WDR37: variants seen among roughly 807,000 people sequenced by gnomAD.
WDR37 encodes WD repeat-containing protein 37.
In WDR37, 19 loss-of-function variants were observed where a neutral mutation model predicts 62.9. That is an observed-to-expected ratio of 0.30 (90% CI 0.21 to 0.44). The LOEUF (loss-of-function observed/expected upper bound fraction) is 0.44, where lower values mean the gene tolerates loss of function less well. Ranked by LOEUF, WDR37 falls within the 20% of genes least tolerant of loss-of-function variation. The pLI is 1.00. For missense variants in WDR37, 474 were observed against 657.6 expected (o/e 0.72, Z 3.05); for synonymous variants, 250 against 260.9 (o/e 0.96, Z 0.40).
chr10:1,080,831 G>A (rs1250562156), intron 5 of WDR37, among the ~76,000 whole-genome samples: 1 of 151,930 alleles, frequency 6.6e-6, no homozygotes, highest in East Asian at 1.9e-4. Flanking sequence ...GCTTAAGCCT[G>A]GGAGGTGGAG....
chr10:1,125,094 C>A (rs1057038340), intron 13 of WDR37, 70 bp downstream of exon 13: 16 of 1,557,166 alleles, frequency 1.0e-5, no homozygotes, highest in Non-Finnish European at 1.4e-5. Flanking sequence ...TTTACATTCT[C>A]ATTTTCTTAC....
chr10:1,126,852 G>A (rs1290197122), intron 13 of WDR37, among the ~76,000 whole-genome samples: 2 of 152,226 alleles, frequency 1.3e-5, no homozygotes, highest in African/African-American at 4.8e-5. Flanking sequence ...GCATGAGAGT[G>A]CACTGTTTGA....
At chr10:1,125,703 C>G (rs1460637198) in intron 13 of WDR37, among the ~76,000 whole-genome samples, 1 of 152,160 alleles carries the variant, frequency 6.6e-6, no homozygotes, top group Non-Finnish European at 1.5e-5. Flanking sequence ...TGTGGCCAGG[C>G]AGAAGCTGGG....
At chr10:1,120,438 G>A (rs927836235) in intron 11 of WDR37, among the ~76,000 whole-genome samples, 3 of 152,244 alleles carry the variant, frequency 2.0e-5, no homozygotes, top group Non-Finnish European at 4.4e-5. Flanking sequence ...TCAGGGCACT[G>A]TTTTAAAGTC....
At chr10:1,111,484 G>C (rs1278627784) in intron 11 of WDR37, among the ~76,000 whole-genome samples, 1 of 152,130 alleles carries the variant, frequency 6.6e-6, no homozygotes, top group African/African-American at 2.4e-5. Flanking sequence ...TTCACTGTAA[G>C]AAAGAAAAGT....
chr10:1,062,147 T>G (rs1216254540), intron 1 of WDR37, among the ~76,000 whole-genome samples: 1 of 152,118 alleles, frequency 6.6e-6, no homozygotes, highest in Non-Finnish European at 1.5e-5. Flanking sequence ...TACTCCAGTA[T>G]GAAAAAATCT....
Position 1,103,674 on chromosome 10 carries a change from T to C in WDR37, c.799T>C (p.Cys267Arg). Residue 267 changes from cysteine (C) to arginine (R), a missense_variant, in exon 10 of 14, where the codon TGC becomes CGC. Physicochemically the swap from Cys to Arg is radical, Grantham distance 180 (BLOSUM62 -3). Transcript: ENST00000263150. This position sits in a 1 kb window ranked among gnomAD's most constrained non-coding sequence, Gnocchi z 6.3. ...PDLDGDVSSD[C>R]PTIRVPLTSL... Reference sequence around the variant, plus strand: ...CCTCGATGGGGATGTGTCCAGCGACTGCCCCACCATCCGCGTCCCACTGAC... The same window carrying C: ...CCTCGATGGGGATGTGTCCAGCGACCGCCCCACCATCCGCGTCCCACTGAC... The C allele has an allele frequency of 1.2e-6, 2 of 1,614,252 alleles. No individual in the cohort carries two copies. Among genetic ancestry groups the C allele is most frequent in the Non-Finnish European group, 1.7e-6 (2 of 1,180,050 alleles).
At chr10:1,069,157 G>C (rs567714962) in intron 1 of WDR37, among the ~76,000 whole-genome samples, 2 of 152,028 alleles carry the variant, frequency 1.3e-5, no homozygotes, top group African/African-American at 4.8e-5. Context: ...TATACTGAGA[G>C]CCATTGAATT....
intron 11 of WDR37, among the ~76,000 whole-genome samples, chr10:1,119,825 G>C (rs1455567293): frequency 6.6e-6 from 1 of 152,214 alleles, no homozygotes; most frequent in African/African-American, 2.4e-5. Context: ...CAGTTCTGTA[G>C]TGCAGCCCTT....
intron 1 of WDR37, among the ~76,000 whole-genome samples, chr10:1,057,943 T>C (rs936264902): frequency 2.0e-5 from 3 of 152,248 alleles, no homozygotes; most frequent in Non-Finnish European, 4.4e-5. Flanking sequence ...AAGATAGTTA[T>C]ATCTCCAGGA....
In WDR37 at chr10:1,116,655, G is replaced by T. The variant is rs562704501; in HGVS notation, c.1104-7563G>T. On this transcript the variant is annotated intron_variant, in intron 11 of 13. Transcript: ENST00000263150. ...AGGGTCACTAAGGACTCCATCTGTC[G>T]CCCGTGACAGCTTTTCGGAGCTTTG... 9.8e-5 allele frequency among the ~76,000 whole-genome samples: 15 copies of T among 152,286 alleles called. No individual in the cohort carries two copies. The South Asian group carries it at 3.1e-3, about 32-fold the overall frequency.
intron 1 of WDR37, among the ~76,000 whole-genome samples, chr10:1,066,504 A>G (rs971365558): frequency 3.3e-5 from 5 of 152,240 alleles, no homozygotes; most frequent in Non-Finnish European, 5.9e-5. Context: ...AAGACTCAGC[A>G]TAATAAATAT....
At chr10:1,122,649 C>G (rs1382145371) in intron 11 of WDR37, among the ~76,000 whole-genome samples, 1 of 152,246 alleles carries the variant, frequency 6.6e-6, no homozygotes, top group Non-Finnish European at 1.5e-5. Context: ...TTATCACATT[C>G]TTTTTACTGA....
At chr10:1,094,335 G>A (rs904103150) in intron 8 of WDR37, among the ~76,000 whole-genome samples, 10 of 152,206 alleles carry the variant, frequency 6.6e-5, no homozygotes, top group Admixed American at 5.9e-4. Context: ...TTGTGCTGAC[G>A]CAGGAATAGA....
At position 1,096,195 on chromosome 10, in the gene WDR37, C is replaced by A. The variant is rs770901554; in HGVS notation, c.675C>A (p.Ile225=). 6.2e-7 allele frequency: 1 copy of A among 1,614,060 alleles called. No individual in the cohort carries two copies. The highest frequency in any genetic ancestry group is 8.5e-7 in the Non-Finnish European group (1 of 1,180,046). Residue 225 remains isoleucine, a synonymous_variant, in exon 9 of 14, where the codon ATC becomes ATA. Transcript: ENST00000263150. The part of the protein sequence containing the change: ...LTASGDQTAH[I]WRYAVQLPTP... The stretch of plus-strand genomic sequence containing the variant: ...CTTCTGGAGATCAGACTGCTCATAT[C>A]TGGAGATACGCGGTGCAGCTGCCGA...
chr10:1,085,003 C>T (rs1371630035), intron 6 of WDR37, among the ~76,000 whole-genome samples: 1 of 152,214 alleles, frequency 6.6e-6, no homozygotes, highest in Non-Finnish European at 1.5e-5. Context: ...GCTCTGTTGC[C>T]CAGGCTGGAG....
chr10:1,095,576 C>T (rs1834547785), intron 8 of WDR37, among the ~76,000 whole-genome samples: 1 of 152,184 alleles, frequency 6.6e-6, no homozygotes, highest in Admixed American at 6.5e-5. Context: ...TGGAAGCCAG[C>T]CTGCCCGTGT....
At chr10:1,068,215 C>T (rs1833612896) in intron 1 of WDR37, among the ~76,000 whole-genome samples, 1 of 152,088 alleles carries the variant, frequency 6.6e-6, no homozygotes, top group Admixed American at 6.6e-5. Flanking sequence ...GGCGCGGTGG[C>T]TGACGCCTGT....
intron 12 of WDR37, 30 bp downstream of exon 12, chr10:1,124,382 G>C (rs1291550733): frequency 6.2e-7 from 1 of 1,613,464 alleles, no homozygotes; most frequent in Non-Finnish European, 8.5e-7. Flanking sequence ...TAAGTAAGTG[G>C]CTTAGTTTGA....
Sources: gnomAD v4.1 joint callset for allele counts (sites outside exome capture counted in the v4.1 genomes callset) on GRCh38, gnomAD v4.1.1 for gene constraint, Gnocchi (gnomAD v3.1) non-coding constraint, MANE v1.5 for transcripts, NCBI Gene and HGNC (gene_info 2026-07-23, HGNC 2026-07-21) for gene names.